Variants in ARHGAP28 observed in about 807,000 individuals in gnomAD.
ARHGAP28 encodes Rho GTPase activating protein 28, also known as rho GTPase-activating protein 28.
ARHGAP28 carries 56 observed loss-of-function variants against 90.7 expected under a neutral mutation model. That is an observed-to-expected ratio of 0.62 (90% confidence interval 0.50 to 0.77). The LOEUF (loss-of-function observed/expected upper bound fraction) is 0.77, where lower values mean the gene tolerates loss of function less well. ARHGAP28 is among the 30% of genes least tolerant of loss of function. ARHGAP28 has a pLI of 0.00. For missense variants in ARHGAP28, 869 were observed against 900.9 expected, an observed-to-expected ratio of 0.96 and a Z score of 0.45; for synonymous variants, 308 against 323.3, an observed-to-expected ratio of 0.95 and a Z score of 0.51.
At chr18:6,748,889 A>G (rs2056046410) in intron 1 of ARHGAP28, among the ~76,000 whole-genome samples, 1 of 152,150 alleles carries the variant, frequency 6.6e-6, no homozygotes, top group South Asian at 2.1e-4. Context: ...CCTTCCTTGC[A>G]TTCCCCTGTG....
At chr18:6,826,758 G>T (rs2056667469) in intron 2 of ARHGAP28, among the ~76,000 whole-genome samples, 1 of 150,020 alleles carries the variant, frequency 6.7e-6, no homozygotes, top group African/African-American at 2.5e-5. Flanking sequence ...CGGGTCATAG[G>T]ACAATAGTGG....
chr18:6,873,711 C>A lies in ARHGAP28; in HGVS notation c.1148C>A (p.Thr383Lys), dbSNP rs1421256998. The A allele has an allele frequency of 1.2e-6, 2 of 1,613,942 alleles. No homozygotes were observed. Among genetic ancestry groups the A allele is most frequent in the Non-Finnish European group, 1.7e-6 (2 of 1,179,968 alleles). Residue 383 changes from threonine to lysine, a missense_variant, in exon 9 of 18, where the codon ACA becomes AAA. Physicochemically the swap from Thr to Lys is moderately conservative, Grantham distance 78 (BLOSUM62 -1). Transcript: ENST00000383472. ...AATGGGATTTTTGGAGTTCCACTTA[C>A]AGTCCTCCTGGACGGTGACCGAAAG... The part of the protein sequence containing the change: ...RDNGIFGVPL[T>K]VLLDGDRKKD...
At chr18:6,818,939 C>T (rs1367603251) in intron 1 of ARHGAP28, among the ~76,000 whole-genome samples, 2 of 152,184 alleles carry the variant, frequency 1.3e-5, no homozygotes, top group East Asian at 1.9e-4. Context: ...GGGGAAGCTA[C>T]GTGTCCCCAC....
At chr18:6,901,205 T>G (rs1305408908) in intron 16 of ARHGAP28, among the ~76,000 whole-genome samples, 1 of 152,130 alleles carries the variant, frequency 6.6e-6, no homozygotes, top group African/African-American at 2.4e-5. Flanking sequence ...GAGGAGAACA[T>G]CAGAATGGGT....
At chr18:6,746,157 C>T (rs535646192) in intron 1 of ARHGAP28, among the ~76,000 whole-genome samples, 5 of 152,198 alleles carry the variant, frequency 3.3e-5, no homozygotes, top group African/African-American at 1.2e-4. Flanking sequence ...GGTGTTTTAC[C>T]TTCCCAAAGC....
rs528223347 is a variant in ARHGAP28 at position 6,862,932 on chromosome 18, C to G, written c.726+3035C>G. ...ACCGTAAGATTTTTAATGATATTTT[C>G]TAGCTTGTTTTGCAGATATATAAGG... is the stretch of plus-strand genomic sequence containing the variant. On this transcript the variant is annotated intron_variant, in intron 5 of 17. Coordinates refer to ENST00000383472, the MANE Select transcript of ARHGAP28 (RefSeq NM_001366230.1). Among the ~76,000 whole-genome samples the G allele has an allele frequency of 1.4e-4, 21 of 152,170 alleles. No individual in the cohort carries two copies. The South Asian group carries it at 2.5e-3, about 18-fold the overall frequency.
chr18:6,752,614 A>G (rs1472305817), intron 1 of ARHGAP28, among the ~76,000 whole-genome samples: 1 of 152,050 alleles, frequency 6.6e-6, no homozygotes, highest in African/African-American at 2.4e-5. Flanking sequence ...TGCTAAATCC[A>G]CCTCAGCCTC....
intron 1 of ARHGAP28, chr18:6,790,698 C>T (rs964373243): frequency 3.9e-5 from 6 of 152,006 alleles, no homozygotes; most frequent in Non-Finnish European, 2.9e-5. Flanking sequence ...CATAGAAATT[C>T]GTGGGAGAGA....
chr18:6,888,344 A>C (rs546208744), intron 12 of ARHGAP28, among the ~76,000 whole-genome samples: 11 of 145,512 alleles, frequency 7.6e-5, no homozygotes, highest in Admixed American at 1.4e-4. Flanking sequence ...AATTGAGATA[A>C]GGATGAGTTG....
chr18:6,855,490 T>C (rs1311219787), intron 4 of ARHGAP28, among the ~76,000 whole-genome samples: 3 of 152,186 alleles, frequency 2.0e-5, no homozygotes, highest in Non-Finnish European at 4.4e-5. Context: ...CTAAGAGCTG[T>C]TCTGTCACTC....
At chr18:6,890,116 C>T in intron 13 of ARHGAP28, 31 bp downstream of exon 13, 1 of 1,610,866 alleles carries the variant, frequency 6.2e-7, no homozygotes, top group Non-Finnish European at 8.5e-7. Flanking sequence ...AGGTCCCCCT[C>T]AGAAGTCCAT....
At chr18:6,888,152 G>A (rs1207237868) in intron 12 of ARHGAP28, among the ~76,000 whole-genome samples, 1 of 152,198 alleles carries the variant, frequency 6.6e-6, no homozygotes, top group African/African-American at 2.4e-5. Context: ...CTGATATATA[G>A]TAGAACATTT....
intron 1 of ARHGAP28, among the ~76,000 whole-genome samples, chr18:6,801,377 G>A (rs1485714060): frequency 6.6e-6 from 1 of 152,126 alleles, no homozygotes; most frequent in Non-Finnish European, 1.5e-5. Flanking sequence ...TCTATTTGAT[G>A]GCAGTACCAC....
intron 1 of ARHGAP28, among the ~76,000 whole-genome samples, chr18:6,794,193 C>T (rs2056425664): frequency 6.6e-6 from 1 of 152,160 alleles, no homozygotes; most frequent in African/African-American, 2.4e-5. Flanking sequence ...TTCTTCTTTC[C>T]CAACCTCTTT....
chr18:6,868,737 A>G (rs2057057971), intron 6 of ARHGAP28, among the ~76,000 whole-genome samples: 1 of 152,022 alleles, frequency 6.6e-6, no homozygotes, highest in African/African-American at 2.4e-5. Context: ...TTTTGGCCAT[A>G]TTTTTGTGAT....
intron 1 of ARHGAP28, among the ~76,000 whole-genome samples, chr18:6,764,969 G>GGA (rs2143362098): frequency 6.6e-6 from 1 of 151,672 alleles, no homozygotes; most frequent in African/African-American, 2.4e-5. Context: ...GACTTACACT[G>GGA]GAAAAAAAAA....
chr18:6,860,813 T>C (rs748955834), intron 5 of ARHGAP28, among the ~76,000 whole-genome samples: 2 of 152,234 alleles, frequency 1.3e-5, no homozygotes, highest in Non-Finnish European at 2.9e-5. Flanking sequence ...ACAGTGATCA[T>C]GTAAGAGGAA....
Position 6,787,160 on chromosome 18 carries a change from C to T in ARHGAP28, c.123-37602C>T, listed in dbSNP as rs574676427. Among the ~76,000 whole-genome samples the T allele has an allele frequency of 3.7e-4, 53 of 141,742 alleles. No homozygotes were observed. In the South Asian group the frequency reaches 0.011, roughly 30 times the overall value. The allele number at this position is 141,742 out of a possible 152,430, so 93.0% of individuals were successfully genotyped here. On this transcript the variant is annotated intron_variant, in intron 1 of 17. Coordinates refer to ENST00000383472, the MANE Select transcript of ARHGAP28 (RefSeq NM_001366230.1). ...GCTTGAACCTGGGAGGCGGAGGTTG[C>T]AGTGAGCTGAGATCGCGCCACTGCA...
chr18:6,820,314 C>T (rs778365278), intron 1 of ARHGAP28, among the ~76,000 whole-genome samples: 1 of 152,040 alleles, frequency 6.6e-6, no homozygotes, highest in Non-Finnish European at 1.5e-5. Flanking sequence ...GCTGACTGAA[C>T]ACAGTAGAAG....
Sources: gnomAD v4.1 joint callset for allele counts (sites outside exome capture counted in the v4.1 genomes callset) on GRCh38, gnomAD v4.1.1 for gene constraint, MANE v1.5 for transcripts, NCBI Gene and HGNC (gene_info 2026-07-23, HGNC 2026-07-21) for gene names.